RIOX2: variants seen among roughly 807,000 people sequenced by gnomAD.
The protein encoded by RIOX2 is 60S ribosomal protein L27a histidine hydroxylase.
Under a neutral mutation model 51.2 loss-of-function variants are expected in RIOX2, and 43 were observed. That is an observed-to-expected ratio of 0.84 (90% CI 0.66 to 1.08). The LOEUF (loss-of-function observed/expected upper bound fraction) is 1.08. RIOX2 is among the 50% of genes least tolerant of loss of function. The pLI is 0.00. For missense variants in RIOX2, 566 were observed against 561.7 expected, an observed-to-expected ratio of 1.01 and a Z score of -0.08; for synonymous variants, 226 against 218.5, an observed-to-expected ratio of 1.03 and a Z score of -0.30.
chr3:97,952,076 A>G, intron 5 of RIOX2: 1 of 874,668 alleles, frequency 1.1e-6, no homozygotes, highest in Non-Finnish European at 1.6e-6. Context: ...AACCAAATCA[A>G]CAACATACAG....
chr3:97,958,443 A>G (rs907668785), intron 4 of RIOX2, among the ~76,000 whole-genome samples: 3 of 152,200 alleles, frequency 2.0e-5, no homozygotes, highest in African/African-American at 7.2e-5. Context: ...GCTCAAAGAC[A>G]GATTTTCTCA....
rs886948511 is a variant in RIOX2, at chr3:97,944,047, C to G, written c.*1137G>C. The G allele has an allele frequency of 6.6e-6, 1 of 151,594 alleles. No homozygotes were observed. The allele number at this position is 151,594 out of a possible 1,614,324, so 9.4% of individuals were successfully genotyped here. On this transcript the variant is annotated 3_prime_UTR_variant, in exon 10 of 10. Transcript: ENST00000394198. ...AGACATCCCTTTAGGTGACAAGACTCTATAACAGTGGTTACCTGTCTCCAT... is the reference window on the plus strand; with the variant it reads ...AGACATCCCTTTAGGTGACAAGACTGTATAACAGTGGTTACCTGTCTCCAT...
rs553199041 is a variant in RIOX2 at position 97,949,201 on chromosome 3, C to T, written c.1060+643G>A. Reference sequence around the variant, plus strand: ...CAGATCCCTCATGAATAGATAATTCCCTGGGGTTGGGGGCGGTGAGTGACT... The same window carrying T: ...CAGATCCCTCATGAATAGATAATTCTCTGGGGTTGGGGGCGGTGAGTGACT... On this transcript the variant is annotated intron_variant, in intron 7 of 9. Transcript: ENST00000394198. 2.6e-4 allele frequency among the ~76,000 whole-genome samples: 40 copies of T among 152,050 alleles called. No homozygotes were observed. In the South Asian group the frequency reaches 6.9e-3, roughly 26 times the overall value.
chr3:97,950,965 A>T, intron 5 of RIOX2, 77 bp from the exon 6 acceptor site: 2 of 1,028,604 alleles, frequency 1.9e-6, no homozygotes, highest in Non-Finnish European at 3.0e-6. Context: ...ACTTATTGCT[A>T]GTAAAGCCAA....
At chr3:97,954,546 A>G in intron 4 of RIOX2, 51 bp from the exon 5 acceptor site, 3 of 1,436,680 alleles carry the variant, frequency 2.1e-6, no homozygotes, top group South Asian at 1.2e-5. Flanking sequence ...ATTCCTTCTC[A>G]GTCCTCTTCA....
At chr3:97,950,228 A>C (rs1223940461) in intron 6 of RIOX2, among the ~76,000 whole-genome samples, 2 of 152,156 alleles carry the variant, frequency 1.3e-5, no homozygotes, top group African/African-American at 4.8e-5. Flanking sequence ...GTTTGCAAAA[A>C]ATTTTCAGAA....
At chr3:97,954,362 T>C in intron 5 of RIOX2, 30 bp downstream of exon 5, 1 of 1,523,320 alleles carries the variant, frequency 6.6e-7, no homozygotes, top group Non-Finnish European at 9.1e-7. Context: ...AGAGCTGTCC[T>C]AGCATGTGCA....
Position 97,943,514 on chromosome 3 carries a change from C to G in RIOX2, c.*1670G>C. 2 of 520,528 alleles carry G rather than the reference C, an allele frequency of 3.8e-6. No individual in the cohort carries two copies. The highest frequency in any genetic ancestry group is 6.6e-6 in the Non-Finnish European group (2 of 300,788). The allele number at this position is 520,528 out of a possible 1,614,324, so 32.2% of individuals were successfully genotyped here. A position where few individuals can be genotyped will look rare whatever the true frequency, so the allele number is the denominator to read the frequency against. On this transcript the variant is annotated 3_prime_UTR_variant, in exon 10 of 10. Transcript: ENST00000394198. ...ATATTCTTGCCATTACTCAGTGTTC[C>G]TATAAAGAAAATATTATGATATCTT... is the stretch of plus-strand genomic sequence containing the variant.
intron 7 of RIOX2, 60 bp downstream of exon 7, chr3:97,949,784 A>G (rs111970584): frequency 2.3e-5 from 35 of 1,517,236 alleles, no homozygotes; most frequent in Middle Eastern, 4.5e-4. Context: ...GCCTACCCAG[A>G]AAAACCGTAA....
rs111454975 is a variant in RIOX2 at position 97,967,285 on chromosome 3, G to A, written c.309C>T (p.Cys103=). The A allele has an allele frequency of 3.7e-6, 6 of 1,614,048 alleles. No homozygotes were observed. The highest frequency in any genetic ancestry group is 4.2e-6 in the Non-Finnish European group (5 of 1,179,996). The part of the protein sequence containing the change: ...GMYYGRDVNV[C]RCVNGKKKVL... ...CCTTCTTCTTCCCATTGACACACCG[G>A]CAGACATTCACATCTCTTCCATAGT... The change falls in exon 2 of 10, where the codon TGC becomes TGT. Residue 103 remains cysteine (C), a synonymous_variant. Transcript: ENST00000394198.
At chr3:97,951,748 G>C (rs1022822231) in intron 5 of RIOX2, among the ~76,000 whole-genome samples, 7 of 152,188 alleles carry the variant, frequency 4.6e-5, no homozygotes, top group Non-Finnish European at 8.8e-5. Context: ...TCCCAGAAAA[G>C]TTGCAAAGGA....
intron 2 of RIOX2, among the ~76,000 whole-genome samples, chr3:97,964,527 T>C (rs1705802936): frequency 7.0e-6 from 1 of 141,900 alleles, no homozygotes; most frequent in Non-Finnish European, 1.5e-5. Flanking sequence ...CCATCTCTAC[T>C]AAAAAAAAAA....
intron 4 of RIOX2, 91 bp downstream of exon 4, chr3:97,958,960 G>T: frequency 7.2e-7 from 1 of 1,385,238 alleles, no homozygotes; most frequent in South Asian, 1.7e-5. Flanking sequence ...ACCATCACAC[G>T]AACTCTAAAC....
rs779802135 is a variant in RIOX2 at position 97,945,157 on chromosome 3, T to C, written c.*27A>G. ...TTTCTTTTAATATATGCATATAAAA[T>C]AGTAGGCATTTGATTCTGCAAAGGC... On this transcript the variant is annotated 3_prime_UTR_variant, in exon 10 of 10. Transcript: ENST00000394198. 1 of 1,581,198 alleles carries C rather than the reference T, an allele frequency of 6.3e-7. No individual in the cohort carries two copies. The highest frequency in any genetic ancestry group is 1.2e-5 in the South Asian group (1 of 85,454).
At chr3:97,945,639 A>ACTT (rs1418561612) in intron 9 of RIOX2, 159 bp downstream of exon 9, 1 of 640,322 alleles carries the variant, frequency 1.6e-6, no homozygotes, top group East Asian at 2.7e-5. Context: ...GAAATGTCTG[A>ACTT]CTTAATCATC....
At chr3:97,954,340 A>G in intron 5 of RIOX2, 52 bp downstream of exon 5, 1 of 1,352,440 alleles carries the variant, frequency 7.4e-7, no homozygotes, top group Middle Eastern at 2.0e-4. Flanking sequence ...TGGCTGCTGC[A>G]GGCCAGGACT....
At chr3:97,948,338 T>C (rs992002039) in intron 7 of RIOX2, among the ~76,000 whole-genome samples, 1 of 152,116 alleles carries the variant, frequency 6.6e-6, no homozygotes, top group Non-Finnish European at 1.5e-5. Flanking sequence ...TAGTAAAAAA[T>C]ACTCTTTTCA....
In RIOX2 at chr3:97,972,402, G is replaced by T. The variant is rs529736400; in HGVS notation, c.-61C>A. The T allele has an allele frequency of 6.6e-6, 1 of 151,080 alleles. No individual in the cohort carries two copies. Among genetic ancestry groups the T allele is most frequent in the Non-Finnish European group, 1.5e-5 (1 of 67,668 alleles). 9.4% of individuals were successfully genotyped at this position (151,080 alleles called of 1,614,324 possible). A position where few individuals can be genotyped will look rare whatever the true frequency, so the allele number is the denominator to read the frequency against. On this transcript the variant is annotated 5_prime_UTR_variant, in exon 1 of 10. Coordinates refer to ENST00000394198, the MANE Select transcript of RIOX2 (RefSeq NM_153182.4). ...TCACCCGGCACGGCCTGTTGCTCGC[G>T]GCCGCGAGCCCACTGCGTTGCGGCG...
chr3:97,959,541 C>T (rs1278870970), intron 3 of RIOX2, among the ~76,000 whole-genome samples: 1 of 151,976 alleles, frequency 6.6e-6, no homozygotes, highest in Admixed American at 6.5e-5. Context: ...TGGTCTTGAA[C>T]TCCTGGCTTT....
Sources: gnomAD v4.1 joint callset for allele counts (sites outside exome capture counted in the v4.1 genomes callset) on GRCh38, gnomAD v4.1.1 for gene constraint, MANE v1.5 for transcripts, NCBI Gene and HGNC (gene_info 2026-07-23, HGNC 2026-07-21) for gene names.